Variants in DCP2 observed in about 807,000 individuals in gnomAD.
DCP2 encodes the protein m7GpppN-mRNA hydrolase.
DCP2 carries 30 observed loss-of-function variants against 56.1 expected under a neutral mutation model. The observed-to-expected ratio is 0.53, with a 90% CI of 0.40 to 0.73. The LOEUF (loss-of-function observed/expected upper bound fraction) is 0.73, where lower values mean the gene tolerates loss of function less well. Among genes scored for constraint, DCP2 ranks in the 30% least tolerant of loss-of-function variants. The probability of loss-of-function intolerance (pLI) is 0.00; values close to 1 mark genes in which losing one functional copy is unlikely to be tolerated. For synonymous variants in DCP2, 197 were observed against 163.3 expected (o/e 1.21, Z -1.57); for missense variants, 533 against 502.7 (o/e 1.06, Z -0.58).
intron 1 of DCP2, among the ~76,000 whole-genome samples, chr5:112,979,152 T>A (rs547971887): frequency 1.3e-5 from 2 of 152,334 alleles, no homozygotes; most frequent in South Asian, 4.1e-4. Flanking sequence ...ACAAATATTT[T>A]TGAATGGAGT....
At chr5:113,001,515 C>T (rs1749178181) in intron 6 of DCP2, 46 bp downstream of exon 6, 2 of 1,605,458 alleles carry the variant, frequency 1.2e-6, no homozygotes, top group Non-Finnish European at 1.7e-6. Flanking sequence ...TTGGGATAGT[C>T]ATCTTCTGTC....
At position 112,996,109 on chromosome 5, in the gene DCP2, T is replaced by C. The variant is rs147896132; in HGVS notation, c.432+3339T>C. On this transcript the variant is annotated intron_variant, in intron 4 of 10. Transcript: ENST00000389063. ...ACATGGGGGGTTGAGCTTCAACATA[T>C]GAATTTTTTTGGTGAGGGGACATAA... 5.5e-4 allele frequency among the ~76,000 whole-genome samples: 84 copies of C among 152,312 alleles called. 2 individuals carry two copies. The East Asian group carries it at 0.014, about 24-fold the overall frequency.
intron 4 of DCP2, among the ~76,000 whole-genome samples, chr5:112,993,075 G>T (rs1322364590): frequency 6.6e-6 from 1 of 151,496 alleles, no homozygotes; most frequent in African/African-American, 2.4e-5. Context: ...AAAACATTTT[G>T]GCTGTTATAA....
At chr5:112,996,741 A>G (rs1297950339) in intron 4 of DCP2, among the ~76,000 whole-genome samples, 2 of 152,144 alleles carry the variant, frequency 1.3e-5, no homozygotes, top group Admixed American at 1.3e-4. Flanking sequence ...TTAATTAGTA[A>G]TTTCCAATCT....
Position 113,015,387 on chromosome 5 carries a change from A to T in DCP2, c.*1903A>T, listed in dbSNP as rs1176663187. The T allele has an allele frequency of 3.3e-5, 5 of 150,228 alleles. No homozygotes were observed. Among genetic ancestry groups the T allele is most frequent in the Admixed American group, 6.6e-5 (1 of 15,086 alleles). The allele number at this position is 150,228 out of a possible 1,614,324, so 9.3% of individuals were successfully genotyped here. On this transcript the variant is annotated 3_prime_UTR_variant, in exon 11 of 11. Coordinates refer to ENST00000389063, the MANE Select transcript of DCP2 (RefSeq NM_152624.6). ...TTTTTTTTTTTCTTTTTAAGTGCATACTTTGGCCAGTCTTCCTGGTGCCTG... is the reference window on the plus strand; with the variant it reads ...TTTTTTTTTTTCTTTTTAAGTGCATTCTTTGGCCAGTCTTCCTGGTGCCTG...
rs1750121630 is a variant in DCP2, at chr5:113,021,401, A to C, written c.*7917A>C. Among the ~76,000 whole-genome samples the C allele has an allele frequency of 6.6e-6, 1 of 151,308 alleles. No individual in the cohort carries two copies. Among genetic ancestry groups the C allele is most frequent in the Admixed American group, 6.6e-5 (1 of 15,238 alleles). The stretch of plus-strand genomic sequence containing the variant: ...AAAAAACAACCAAAAAAAAAAAAAA[A>C]AAACCCCCAGGAAGAAATATTGTCG... On this transcript the variant is annotated 3_prime_UTR_variant, in exon 11 of 11. Transcript: ENST00000389063.
Position 112,976,995 on chromosome 5 carries a change from C to G in DCP2, c.53+9C>G, listed in dbSNP as rs903693029. ...CTGGACGATCTCTGCAGGTACCGCG[C>G]TACCCGACCCCCTTTCGCCCCCGTC... On this transcript the variant is annotated intron_variant, in intron 1 of 10. Coordinates refer to ENST00000389063, the MANE Select transcript of DCP2 (RefSeq NM_152624.6). The G allele has an allele frequency of 1.3e-6, 2 of 1,533,838 alleles. No homozygotes were observed. The highest frequency in any genetic ancestry group is 1.8e-6 in the Non-Finnish European group (2 of 1,131,352).
intron 2 of DCP2, among the ~76,000 whole-genome samples, chr5:112,990,102 C>A (rs996304471): frequency 6.6e-6 from 1 of 152,146 alleles, no homozygotes; most frequent in African/African-American, 2.4e-5. Context: ...ACTTGGCCAT[C>A]TCATTGGCAA....
In DCP2 at chr5:113,007,993, A is replaced by G. The variant is rs540438981; in HGVS notation, c.998A>G (p.Lys333Arg). The G allele has an allele frequency of 3.7e-6, 6 of 1,614,110 alleles. No homozygotes were observed. In the African/African-American group the frequency reaches 5.3e-5, roughly 14 times the overall value. ...CAGTATCAAGATTCACCTAATCAAA[A>G]GAAAAGAACAAATGGGCTTCAGCCA... ...RKQYQDSPNQ[K>R]KRTNGLQPAK... is the part of the protein sequence containing the mutation. Residue 333 changes from lysine (K) to arginine (R), a missense_variant, in exon 9 of 11, where the codon AAG becomes AGG. Coordinates refer to ENST00000389063, the MANE Select transcript of DCP2 (RefSeq NM_152624.6).
At chr5:112,989,518 C>T (rs767486088) in intron 2 of DCP2, among the ~76,000 whole-genome samples, 2 of 151,454 alleles carry the variant, frequency 1.3e-5, no homozygotes, top group Non-Finnish European at 2.9e-5. Context: ...AAAAAAGTTA[C>T]TGTATTTTAG....
intron 4 of DCP2, among the ~76,000 whole-genome samples, chr5:112,995,125 A>G (rs1437185067): frequency 6.6e-6 from 1 of 152,226 alleles, no homozygotes; most frequent in African/African-American, 2.4e-5. Flanking sequence ...AAATGATTGA[A>G]AATGCTGTAT....
rs1166683762 is a variant in DCP2, at chr5:113,014,403, T to G, written c.*919T>G. On this transcript the variant is annotated 3_prime_UTR_variant, in exon 11 of 11. Coordinates refer to ENST00000389063, the MANE Select transcript of DCP2 (RefSeq NM_152624.6). Reference sequence around the variant, plus strand: ...TTGATCTTTGGAAACTGATGTTACATTAGGTTCCAATTCGCAATAGTAGCA... The same window carrying G: ...TTGATCTTTGGAAACTGATGTTACAGTAGGTTCCAATTCGCAATAGTAGCA... 1 of 152,266 alleles carries G rather than the reference T, an allele frequency of 6.6e-6. No homozygotes were observed. The highest frequency in any genetic ancestry group is 1.9e-4 in the East Asian group (1 of 5,204). 9.4% of individuals were successfully genotyped at this position (152,266 alleles called of 1,614,324 possible).
At chr5:112,996,107 T>A (rs1748834866) in intron 4 of DCP2, among the ~76,000 whole-genome samples, 1 of 152,184 alleles carries the variant, frequency 6.6e-6, no homozygotes, top group Admixed American at 6.5e-5. Flanking sequence ...AGCTTCAACA[T>A]ATGAATTTTT....
In DCP2 at chr5:112,992,657, C is replaced by T. The variant is rs1748647685; in HGVS notation, c.334-15C>T. ...AGGAGGGCAAGTTTGATTTTTACTT[C>T]TGCTTGTTTTGTAGGTACTACTAGT... On this transcript the variant is annotated splice_polypyrimidine_tract_variant and intron_variant, in intron 3 of 10. Transcript: ENST00000389063. The T allele has an allele frequency of 1.2e-5, 19 of 1,549,094 alleles. No individual in the cohort carries two copies. Among genetic ancestry groups the T allele is most frequent in the Non-Finnish European group, 1.6e-5 (18 of 1,144,436 alleles).
chr5:112,986,122 A>G (rs1236367729), intron 2 of DCP2, 136 bp downstream of exon 2: 2 of 771,742 alleles, frequency 2.6e-6, no homozygotes, highest in East Asian at 2.7e-5. Flanking sequence ...TGTCAAACAT[A>G]AATAGTAGAC....
rs1750068840 is a variant in DCP2 at position 113,020,559 on chromosome 5, T to G, written c.*7075T>G. The G allele has an allele frequency of 6.6e-6, 1 of 152,236 alleles. No homozygotes were observed. The highest frequency in any genetic ancestry group is 1.5e-5 in the Non-Finnish European group (1 of 68,028). The allele number at this position is 152,236 out of a possible 1,614,324, so 9.4% of individuals were successfully genotyped here. On this transcript the variant is annotated 3_prime_UTR_variant, in exon 11 of 11. Coordinates refer to ENST00000389063, the MANE Select transcript of DCP2 (RefSeq NM_152624.6). ...GTTTCTAGATTTATGTTGTTGTAGT[T>G]GAACAGCAACTGTTTTTTTCCCTCA...
chr5:113,010,657 T>C, intron 9 of DCP2, 99 bp from the exon 10 acceptor site: 1 of 1,297,144 alleles, frequency 7.7e-7, no homozygotes, highest in Non-Finnish European at 1.0e-6. Flanking sequence ...TTTTTCTTCC[T>C]GAGAAATTTG....
At position 113,014,378 on chromosome 5, in the gene DCP2, T is replaced by C. The variant is rs916799330; in HGVS notation, c.*894T>C. Reference sequence around the variant, plus strand: ...TAGGTTTTACGTTGCATCTCCAGTATTGATCTTTGGAAACTGATGTTACAT... The same window carrying C: ...TAGGTTTTACGTTGCATCTCCAGTACTGATCTTTGGAAACTGATGTTACAT... On this transcript the variant is annotated 3_prime_UTR_variant, in exon 11 of 11. Transcript: ENST00000389063. 4 of 152,234 alleles carry C rather than the reference T, an allele frequency of 2.6e-5. No individual in the cohort carries two copies. The highest frequency in any genetic ancestry group is 7.2e-5 in the African/African-American group (3 of 41,450). 9.4% of individuals were successfully genotyped at this position (152,234 alleles called of 1,614,324 possible). A position where few individuals can be genotyped will look rare whatever the true frequency, so the allele number is the denominator to read the frequency against.
chr5:113,004,432 ATTG>A (rs1178510925), intron 8 of DCP2, among the ~76,000 whole-genome samples: 1 of 152,176 alleles, frequency 6.6e-6, no homozygotes, highest in Admixed American at 6.5e-5. Flanking sequence ...TTCGATTTTC[ATTG>A]TTGTATTCGA....
Sources: allele counts gnomAD v4.1 joint callset (sites outside exome capture counted in the v4.1 genomes callset), GRCh38; gene constraint gnomAD v4.1.1; transcripts MANE v1.5; gene names NCBI Gene and HGNC (gene_info 2026-07-23, HGNC 2026-07-21).